PFKM: variants seen among roughly 807,000 people sequenced by gnomAD.
The protein encoded by PFKM is ATP-dependent 6-phosphofructokinase, muscle type.
A neutral mutation model predicts 95.5 loss-of-function variants in PFKM; 58 were observed. The observed-to-expected ratio is 0.61, with a 90% confidence interval of 0.49 to 0.76. PFKM has a LOEUF of 0.76. PFKM is among the 30% of genes least tolerant of loss of function. The pLI is 0.00. For missense variants in PFKM, 678 were observed against 1,005.4 expected (o/e 0.67, Z 4.40); for synonymous variants, 336 against 357.2 (o/e 0.94, Z 0.67).
At chr12:48,139,427 C>G (rs1020697663) in intron 12 of PFKM, 78 bp downstream of exon 12, 33 of 1,091,576 alleles carry the variant, frequency 3.0e-5, no homozygotes, top group Non-Finnish European at 4.4e-5. Context: ...TGGCTCCAGG[C>G]CCAAAACATG....
rs1388020520 is a variant in PFKM, at chr12:48,145,098, T to C, written c.2060T>C (p.Met687Thr). The C allele has an allele frequency of 6.2e-7, 1 of 1,614,148 alleles. No individual in the cohort carries two copies. The highest frequency in any genetic ancestry group is 2.2e-5 in the East Asian group (1 of 44,892). ...TKMGAKAMNW[M>T]SGKIKESYRN... Reference sequence around the variant, plus strand: ...ATGGGCGCCAAGGCTATGAACTGGATGTCTGGGAAAATCAAAGAGAGTTAC... The same window carrying C: ...ATGGGCGCCAAGGCTATGAACTGGACGTCTGGGAAAATCAAAGAGAGTTAC... Residue 687 changes from methionine to threonine, a missense_variant, in exon 21 of 23, where the codon ATG (methionine) becomes ACG (threonine). Physicochemically the swap from Met to Thr is moderately conservative, Grantham distance 81 (BLOSUM62 -1). Transcript: ENST00000359794. The surrounding 1 kb of genome is among the most constrained non-coding windows in gnomAD (Gnocchi z 4.3).
At position 48,141,298 on chromosome 12, in the gene PFKM, C is replaced by T. The variant is rs1419414307; in HGVS notation, c.1342-13C>T. Reference sequence around the variant, plus strand: ...TTTAGCCTTGTGCAGAGCTCTGTGGCTTATCCCCACAGATAGAGGAAGCTG... The same window carrying T: ...TTTAGCCTTGTGCAGAGCTCTGTGGTTTATCCCCACAGATAGAGGAAGCTG... On this transcript the variant is annotated splice_polypyrimidine_tract_variant and intron_variant, in intron 14 of 22. Coordinates refer to ENST00000359794, the MANE Select transcript of PFKM (RefSeq NM_000289.6). The T allele has an allele frequency of 6.2e-7, 1 of 1,612,614 alleles. No homozygotes were observed. The highest frequency in any genetic ancestry group is 1.7e-5 in the Admixed American group (1 of 60,030).
At chr12:48,125,379 T>C in intron 2 of PFKM, 1 of 443,290 alleles carries the variant, frequency 2.3e-6, no homozygotes, top group Non-Finnish European at 4.5e-6. Context: ...CCCAGGACTT[T>C]GGGAGGCCGA....
chr12:48,107,975 TG>T, intron 2 of PFKM: 1 of 1,274,434 alleles, frequency 7.8e-7, no homozygotes, highest in Non-Finnish European at 1.1e-6. Context: ...AAGAAAGCCC[TG>T]GACAGCTCAG....
intron 1 of PFKM, among the ~76,000 whole-genome samples, chr12:48,122,097 C>T (rs1473186857): frequency 6.6e-6 from 1 of 151,990 alleles, no homozygotes; most frequent in Non-Finnish European, 1.5e-5. Flanking sequence ...ACCCAAAGAC[C>T]AAGGATCAAG....
chr12:48,145,790 G>A lies in PFKM; in HGVS notation c.*82G>A. ...AAGTCCACATCTTCTCAGTGTTTTAGCTGTTTTTTTCATTAGGTTTCCTTT... is the reference window on the plus strand; with the variant it reads ...AAGTCCACATCTTCTCAGTGTTTTAACTGTTTTTTTCATTAGGTTTCCTTT... On this transcript the variant is annotated 3_prime_UTR_variant, in exon 23 of 23. Transcript: ENST00000359794. This position sits in a 1 kb window ranked among gnomAD's most constrained non-coding sequence, Gnocchi z 4.3. 1 of 1,484,474 alleles carries A rather than the reference G, an allele frequency of 6.7e-7. No homozygotes were observed. Among genetic ancestry groups the A allele is most frequent in the African/African-American group, 1.4e-5 (1 of 72,712 alleles). The allele number at this position is 1,484,474 out of a possible 1,614,324, so 92.0% of individuals were successfully genotyped here. A position where few individuals can be genotyped will look rare whatever the true frequency, so the allele number is the denominator to read the frequency against.
chr12:48,119,187 C>A, upstream of PFKM: 1 of 697,116 alleles, frequency 1.4e-6, no homozygotes, highest in Non-Finnish European at 1.8e-6. Flanking sequence ...CATATCTGAG[C>A]TGAGTACTTA....
intron 1 of PFKM, among the ~76,000 whole-genome samples, chr12:48,120,444 T>A (rs1169833875): frequency 1.3e-5 from 2 of 152,166 alleles, no homozygotes; most frequent in African/African-American, 2.4e-5. Context: ...GGAGAGTTTT[T>A]AAAAATGATC....
intron 11 of PFKM, 96 bp from the exon 12 acceptor site, chr12:48,139,189 A>G: frequency 3.2e-6 from 3 of 938,936 alleles, no homozygotes; most frequent in Admixed American, 1.8e-5. Context: ...TCTAGTCACA[A>G]TCCCAGAGAT....
chr12:48,107,242 CTTTTATA>C, intron 1 of PFKM: 1 of 671,584 alleles, frequency 1.5e-6, no homozygotes, highest in Non-Finnish European at 2.7e-6. Context: ...TGTGCTGATA[CTTTTATA>C]TTATATTGTC....
intron 3 of PFKM, chr12:48,108,227 C>A: frequency 6.3e-7 from 1 of 1,584,890 alleles, no homozygotes; most frequent in Admixed American, 1.7e-5. Flanking sequence ...GAGAAATGTT[C>A]AAAGGAATAT....
At chr12:48,115,755 A>G (rs1041833277), upstream of PFKM, among the ~76,000 whole-genome samples, 3 of 152,224 alleles carry the variant, frequency 2.0e-5, no homozygotes, top group Admixed American at 1.3e-4. Context: ...TATTTGGCTC[A>G]GAATAAATAT....
chr12:48,121,843 A>C (rs527931500), intron 1 of PFKM, among the ~76,000 whole-genome samples: 1 of 152,308 alleles, frequency 6.6e-6, no homozygotes, highest in South Asian at 2.1e-4. Context: ...TTTGAATCTG[A>C]GAGGAAGGGA....
intron 3 of PFKM, 64 bp downstream of exon 3, chr12:48,130,500 C>T (rs1262086938): frequency 1.1e-5 from 13 of 1,216,466 alleles, no homozygotes; most frequent in Non-Finnish European, 1.6e-5. Flanking sequence ...GCCTTCTATC[C>T]CCTTCCCACA....
intron 11 of PFKM, 121 bp from the exon 12 acceptor site, chr12:48,139,164 G>A (rs182975791): frequency 5.1e-6 from 4 of 792,044 alleles, no homozygotes; most frequent in African/African-American, 1.7e-5. Flanking sequence ...AAGGTGGGGT[G>A]TAGAATGGAC....
At chr12:48,108,277 G>A (rs181567100) in intron 3 of PFKM, 85 of 1,282,026 alleles carry the variant, frequency 6.6e-5, no homozygotes, top group East Asian at 4.4e-4. Flanking sequence ...ATAAATCAGC[G>A]TAGACCTACT....
chr12:48,130,253 CTAAA>C, intron 2 of PFKM, 106 bp from the exon 3 acceptor site: 1 of 803,412 alleles, frequency 1.2e-6, no homozygotes, highest in South Asian at 1.3e-5. Flanking sequence ...AGAGAAAAGA[CTAAA>C]TAAAGTACTG....
At chr12:48,142,234 A>G (rs975847990) in intron 17 of PFKM, 168 bp downstream of exon 17, 73 of 716,396 alleles carry the variant, frequency 1.0e-4, no homozygotes, top group Non-Finnish European at 1.6e-4. Context: ...GCACTTTGGG[A>G]GGCCAAGGCA....
chr12:48,145,967 AT>A lies in PFKM; in HGVS notation c.*260del. 2 of 513,806 alleles carry A rather than the reference AT, an allele frequency of 3.9e-6. No individual in the cohort carries two copies. Among genetic ancestry groups the A allele is most frequent in the Non-Finnish European group, 7.0e-6 (2 of 285,310 alleles). 31.8% of individuals were successfully genotyped at this position (513,806 alleles called of 1,614,324 possible). A position where few individuals can be genotyped will look rare whatever the true frequency, so the allele number is the denominator to read the frequency against. ...GGCACCTCTAGTGCTACTGCTAGAT[AT>A]CACTTACTCAGTTAGAATTTTCCTA... On this transcript the variant is annotated 3_prime_UTR_variant, in exon 23 of 23. Coordinates refer to ENST00000359794, the MANE Select transcript of PFKM (RefSeq NM_000289.6). This position sits in a 1 kb window ranked among gnomAD's most constrained non-coding sequence, Gnocchi z 4.3.
Sources: allele counts gnomAD v4.1 joint callset (sites outside exome capture counted in the v4.1 genomes callset), GRCh38; gene constraint gnomAD v4.1.1; non-coding constraint Gnocchi (gnomAD v3.1); transcripts MANE v1.5; gene names NCBI Gene and HGNC (gene_info 2026-07-23, HGNC 2026-07-21).